The following ALK variants were observed in gnomAD, a reference collection of about 807,000 sequenced individuals.
The protein encoded by ALK is ALK tyrosine kinase receptor.
Under a neutral mutation model 163.1 loss-of-function variants are expected in ALK, and 74 were observed. The observed-to-expected ratio is 0.45, with a 90% CI of 0.38 to 0.55. The LOEUF is 0.55. Among genes scored for constraint, ALK ranks in the 20% least tolerant of loss-of-function variants. ALK has a pLI of 0.00. For synonymous variants in ALK, 960 were observed against 843.2 expected (o/e 1.14, Z -2.40); for missense variants, 2,063 against 2,105.3 (o/e 0.98, Z 0.39).
chr2:29,580,933 G>A (rs746195261), intron 3 of ALK, among the ~76,000 whole-genome samples: 1 of 152,166 alleles, frequency 6.6e-6, no homozygotes, highest in Non-Finnish European at 1.5e-5. Flanking sequence ...GAAGTGTTGA[G>A]GGCTAGGAAG....
intron 5 of ALK, among the ~76,000 whole-genome samples, chr2:29,349,497 G>A (rs1257549289): frequency 1.3e-5 from 2 of 152,200 alleles, no homozygotes; most frequent in Admixed American, 6.5e-5. Context: ...TTGGCATGGC[G>A]GTAGGGGGCA....
intron 25 of ALK, among the ~76,000 whole-genome samples, chr2:29,208,613 G>A (rs1026252715): frequency 6.6e-6 from 1 of 152,144 alleles, no homozygotes; most frequent in Non-Finnish European, 1.5e-5. Flanking sequence ...CTGCCCCGTG[G>A]TAACATGATG....
intron 11 of ALK, among the ~76,000 whole-genome samples, chr2:29,270,157 C>T (rs573998102): frequency 1.3e-5 from 2 of 152,256 alleles, no homozygotes; most frequent in African/African-American, 4.8e-5. Flanking sequence ...AGATCCCTCT[C>T]GAAGACCTAT....
intron 26 of ALK, among the ~76,000 whole-genome samples, chr2:29,203,511 T>TTTTTTTTTTTTTG (rs1426215127): frequency 7.9e-6 from 1 of 126,390 alleles, no homozygotes; most frequent in African/African-American, 2.9e-5. Flanking sequence ...TTTTTTTTTT[T>TTTTTTTTTTTTTG]TGTGAGACAG....
chr2:29,687,773 G>A (rs1320980931), intron 3 of ALK, among the ~76,000 whole-genome samples: 2 of 151,662 alleles, frequency 1.3e-5, no homozygotes, highest in Non-Finnish European at 2.9e-5. Flanking sequence ...CTTGCTTTTT[G>A]AAACCTAATA....
intron 11 of ALK, among the ~76,000 whole-genome samples, chr2:29,256,276 C>T (rs372674537): frequency 3.3e-5 from 5 of 152,170 alleles, no homozygotes; most frequent in Admixed American, 6.5e-5. Flanking sequence ...TGGGAGGCTG[C>T]ACCTCAGGCA....
At chr2:29,383,609 A>G (rs1668958114) in intron 5 of ALK, 123 bp downstream of exon 5, 2 of 1,330,126 alleles carry the variant, frequency 1.5e-6, no homozygotes, top group Non-Finnish European at 2.1e-6. Context: ...GAGCCACAGC[A>G]CCCAGCCCAC....
intron 3 of ALK, among the ~76,000 whole-genome samples, chr2:29,689,023 G>A (rs975928064): frequency 3.3e-5 from 5 of 152,208 alleles, no homozygotes; most frequent in Non-Finnish European, 5.9e-5. Context: ...TCTGAAGGTC[G>A]TCCGTCTCCA....
Position 29,227,677 on chromosome 2 carries a change from G to A in ALK, c.2816-5C>T, listed in dbSNP as rs532808222. On this transcript the variant is annotated splice_polypyrimidine_tract_variant and splice_region_variant and intron_variant, in intron 16 of 28. Transcript: ENST00000389048. The surrounding 1 kb of genome is among the most constrained non-coding windows in gnomAD (Gnocchi z 4.4). ...TGTTTGAGGCTGCATTGCCGCCTGA[G>A]TAGCAAACCAGAGCAGAGTTTAACA... 9 of 1,612,766 alleles carry A rather than the reference G, an allele frequency of 5.6e-6. No homozygotes were observed. Among genetic ancestry groups the A allele is most frequent in the African/African-American group, 1.3e-5 (1 of 75,004 alleles).
In ALK at chr2:29,921,419, G is replaced by A. The variant is rs1047255740; in HGVS notation, c.-760C>T. 7 of 232,310 alleles carry A rather than the reference G, an allele frequency of 3.0e-5. No homozygotes were observed. The highest frequency in any genetic ancestry group is 5.1e-5 in the Non-Finnish European group (6 of 117,458). 14.4% of individuals were successfully genotyped at this position (232,310 alleles called of 1,614,324 possible). ...GAGGGCGTTCAGGGCAGGGGCGCCC[G>A]AAATCTTGCCGCCCCCTCCTCACCC... On this transcript the variant is annotated 5_prime_UTR_variant, in exon 1 of 29. Coordinates refer to ENST00000389048, the MANE Select transcript of ALK (RefSeq NM_004304.5).
rs1331923897 is a variant in ALK, at chr2:29,603,170, C to T, written c.953-71054G>A. 3.3e-5 allele frequency among the ~76,000 whole-genome samples: 5 copies of T among 152,160 alleles called. No individual in the cohort carries two copies. In the East Asian group the frequency reaches 7.7e-4, roughly 23 times the overall value. ...GGTTCTTATTATGAAGATGAAGTCT[C>T]ATAGGTGGCCACTCATAGAAGCAAT... On this transcript the variant is annotated intron_variant, in intron 3 of 28. Transcript: ENST00000389048.
chr2:29,401,576 G>C (rs1388378572), intron 4 of ALK, among the ~76,000 whole-genome samples: 1 of 152,188 alleles, frequency 6.6e-6, no homozygotes, highest in Non-Finnish European at 1.5e-5. Context: ...GAACAGAGGT[G>C]GGTGGGGTAT....
intron 1 of ALK, among the ~76,000 whole-genome samples, chr2:29,857,612 G>A (rs1410721327): frequency 6.6e-6 from 1 of 152,156 alleles, no homozygotes; most frequent in East Asian, 1.9e-4. Flanking sequence ...GAGCATGAAG[G>A]GTGGTATGAC....
At chr2:29,372,139 C>A (rs181726185) in intron 5 of ALK, among the ~76,000 whole-genome samples, 18 of 152,316 alleles carry the variant, frequency 1.2e-4, no homozygotes, top group Non-Finnish European at 2.1e-4. Flanking sequence ...GCTTTGGGAG[C>A]ATTGCTACAC....
chr2:29,564,441 A>ACC (rs758397410), intron 3 of ALK, among the ~76,000 whole-genome samples: 21 of 103,924 alleles, frequency 2.0e-4, no homozygotes, highest in African/African-American at 5.0e-4. Context: ...CCCTACCACC[A>ACC]CCCCCACCGC....
intron 4 of ALK, among the ~76,000 whole-genome samples, chr2:29,498,451 G>A (rs935715081): frequency 3.9e-5 from 6 of 152,088 alleles, no homozygotes; most frequent in African/African-American, 1.2e-4. Context: ...AATTACTGAT[G>A]CTTTCTCTGT....
At chr2:29,234,235 C>T (rs1446309655) in intron 13 of ALK, among the ~76,000 whole-genome samples, 1 of 151,998 alleles carries the variant, frequency 6.6e-6, no homozygotes, top group East Asian at 1.9e-4. Context: ...TGAGATGGGG[C>T]TGGAGGGAGC....
intron 26 of ALK, among the ~76,000 whole-genome samples, chr2:29,201,915 C>T (rs75089414): frequency 0.01 from 1,597 of 152,260 alleles, 13 homozygotes; most frequent in Non-Finnish European, 0.016. Flanking sequence ...TCTTCACTTA[C>T]CCACCTCTAG....
At chr2:29,635,469 T>C (rs1056257881) in intron 3 of ALK, among the ~76,000 whole-genome samples, 2 of 152,156 alleles carry the variant, frequency 1.3e-5, no homozygotes, top group Non-Finnish European at 2.9e-5. Flanking sequence ...TGGAGTGATG[T>C]GGCCAAGGGA....
Sources: allele counts gnomAD v4.1 joint callset (sites outside exome capture counted in the v4.1 genomes callset), GRCh38; gene constraint gnomAD v4.1.1; non-coding constraint Gnocchi (gnomAD v3.1); transcripts MANE v1.5; gene names NCBI Gene and HGNC (gene_info 2026-07-23, HGNC 2026-07-21).